The following PITPNC1 variants were observed in gnomAD, a reference collection of about 807,000 sequenced individuals.
The protein encoded by PITPNC1 is cytoplasmic phosphatidylinositol transfer protein 1.
In PITPNC1, 18 loss-of-function variants were observed where a neutral mutation model predicts 44.7. That is an observed-to-expected ratio of 0.40 (90% confidence interval 0.28 to 0.60). The LOEUF (loss-of-function observed/expected upper bound fraction) is 0.60, where lower values mean the gene tolerates loss of function less well. PITPNC1 is among the 20% of genes least tolerant of loss of function. The pLI is 0.39. For missense variants in PITPNC1, 290 were observed against 418.4 expected (o/e 0.69, Z 2.68); for synonymous variants, 141 against 149.6 (o/e 0.94, Z 0.42).
Position 67,378,127 on chromosome 17 carries a change from G to T in PITPNC1, c.-28G>T, listed in dbSNP as rs754241020. 2.0e-6 allele frequency: 3 copies of T among 1,518,166 alleles called. No individual in the cohort carries two copies. The highest frequency in any genetic ancestry group is 2.7e-5 in the East Asian group (1 of 36,756). The allele number at this position is 1,518,166 out of a possible 1,614,324, so 94.0% of individuals were successfully genotyped here. On this transcript the variant is annotated 5_prime_UTR_variant, in exon 1 of 9. Coordinates refer to ENST00000581322, the MANE Select transcript of PITPNC1 (RefSeq NM_012417.4). ...GTCTTGGGGGCGCCCCCCGCTTCCC[G>T]CCCCGGGGGTCCGCGGCCGGCAGGA...
chr17:67,674,243 C>T (rs1344316568), intron 7 of PITPNC1, among the ~76,000 whole-genome samples: 1 of 152,046 alleles, frequency 6.6e-6, no homozygotes, highest in Non-Finnish European at 1.5e-5. Flanking sequence ...GTGGCTCACA[C>T]CTGTAATCCC....
chr17:67,435,031 C>A (rs1211335638), intron 1 of PITPNC1, among the ~76,000 whole-genome samples: 1 of 148,928 alleles, frequency 6.7e-6, no homozygotes, highest in East Asian at 2.0e-4. Context: ...ATGACGTGAA[C>A]CCGGGAGATG....
chr17:67,436,908 GTT>G (rs1044625193), intron 1 of PITPNC1, among the ~76,000 whole-genome samples: 15 of 68,456 alleles, frequency 2.2e-4, no homozygotes, highest in African/African-American at 7.5e-4. Flanking sequence ...AAATAGGGGT[GTT>G]TTTTTTTTTT....
At position 67,652,176 on chromosome 17, in the gene PITPNC1, A is replaced by G. The variant is rs111690362; in HGVS notation, c.463-17332A>G. Among the ~76,000 whole-genome samples the G allele has an allele frequency of 6.3e-3, 961 of 152,218 alleles. 8 individuals carry two copies. Among genetic ancestry groups the G allele is most frequent in the African/African-American group, 0.022 (917 of 41,524 alleles). On this transcript the variant is annotated intron_variant, in intron 6 of 8. Coordinates refer to ENST00000581322, the MANE Select transcript of PITPNC1 (RefSeq NM_012417.4). Reference sequence around the variant, plus strand: ...ATTGCCCTTTGTGGTTCAAATTGAGAGTGTAATTAATCATGGAGACTTCAT... The same window carrying G: ...ATTGCCCTTTGTGGTTCAAATTGAGGGTGTAATTAATCATGGAGACTTCAT...
At chr17:67,517,852 A>G (rs1000536497) in intron 1 of PITPNC1, among the ~76,000 whole-genome samples, 2 of 152,214 alleles carry the variant, frequency 1.3e-5, no homozygotes, top group Non-Finnish European at 2.9e-5. Context: ...AACCTTGCAA[A>G]TATACTAAAA....
chr17:67,683,655 T>G (rs2042754464), intron 8 of PITPNC1, among the ~76,000 whole-genome samples: 1 of 152,056 alleles, frequency 6.6e-6, no homozygotes, highest in South Asian at 2.1e-4. Flanking sequence ...TTTCTGAAAT[T>G]TCATTTCTTA....
Position 67,552,339 on chromosome 17 carries a change from A to G in PITPNC1, c.280A>G (p.Ile94Val). ...GGCTTGGAACTATTATCCCTACACA[A>G]TTACAGGTAAGTCCTTAGTACAACC... ...EKAWNYYPYT[I>V]TEYTCSFLPK... Residue 94 changes from isoleucine to valine, a missense_variant, in exon 3 of 9, where the codon ATT becomes GTT. Coordinates refer to ENST00000581322, the MANE Select transcript of PITPNC1 (RefSeq NM_012417.4). The G allele has an allele frequency of 1.3e-6, 2 of 1,536,200 alleles. No homozygotes were observed. Among genetic ancestry groups the G allele is most frequent in the Non-Finnish European group, 1.8e-6 (2 of 1,108,880 alleles).
chr17:67,457,088 T>G (rs1404299807), intron 1 of PITPNC1: 1 of 150,514 alleles, frequency 6.6e-6, no homozygotes, highest in Non-Finnish European at 1.5e-5. Context: ...AGCACAGGAG[T>G]TTTGACTTGG....
At chr17:67,545,938 G>A (rs1011890326) in intron 2 of PITPNC1, among the ~76,000 whole-genome samples, 3 of 151,944 alleles carry the variant, frequency 2.0e-5, no homozygotes, top group South Asian at 2.1e-4. Flanking sequence ...GGCCAGGTGC[G>A]GTGGCTCACC....
At chr17:67,558,321 A>C (rs2040864946) in intron 4 of PITPNC1, among the ~76,000 whole-genome samples, 1 of 152,188 alleles carries the variant, frequency 6.6e-6, no homozygotes, top group African/African-American at 2.4e-5. Flanking sequence ...GTAAACAACA[A>C]CACAATGACA....
At position 67,409,153 on chromosome 17, in the gene PITPNC1, C is replaced by T. The variant is rs373204296; in HGVS notation, c.48+30951C>T. Among the ~76,000 whole-genome samples the T allele has an allele frequency of 7.0e-3, 983 of 140,256 alleles. 11 individuals are homozygous for T. Among genetic ancestry groups the T allele is most frequent in the African/African-American group, 0.023 (885 of 37,854 alleles). 92.0% of individuals were successfully genotyped at this position (140,256 alleles called of 152,430 possible). On this transcript the variant is annotated intron_variant, in intron 1 of 8. Coordinates refer to ENST00000581322, the MANE Select transcript of PITPNC1 (RefSeq NM_012417.4). Reference sequence around the variant, plus strand: ...ACTGCGGACTGCAGTGGCGCAATCTCGGCTCACTGCAAGCTCCGCTTCCCG... The same window carrying T: ...ACTGCGGACTGCAGTGGCGCAATCTTGGCTCACTGCAAGCTCCGCTTCCCG...
intron 7 of PITPNC1, among the ~76,000 whole-genome samples, chr17:67,673,575 T>G (rs951991407): frequency 3.9e-5 from 6 of 152,232 alleles, no homozygotes; most frequent in Admixed American, 3.3e-4. Flanking sequence ...TAAACGGCCT[T>G]TTTCCCCCTC....
chr17:67,380,451 T>G (rs751012363), intron 1 of PITPNC1, among the ~76,000 whole-genome samples: 9 of 152,210 alleles, frequency 5.9e-5, no homozygotes, highest in African/African-American at 2.2e-4. Flanking sequence ...AATTCTTTAA[T>G]GTATAATTCA....
chr17:67,387,148 A>C (rs1017731500), intron 1 of PITPNC1, among the ~76,000 whole-genome samples: 1 of 152,200 alleles, frequency 6.6e-6, no homozygotes, highest in Non-Finnish European at 1.5e-5. Context: ...AGGGCTGCAC[A>C]CCGCCAGGGG....
At chr17:67,392,667 C>G (rs1293195024) in intron 1 of PITPNC1, among the ~76,000 whole-genome samples, 1 of 152,174 alleles carries the variant, frequency 6.6e-6, no homozygotes, top group Non-Finnish European at 1.5e-5. Flanking sequence ...TAAACCTGCC[C>G]TAGATTCCCC....
At chr17:67,441,358 C>T (rs1298929579) in intron 1 of PITPNC1, among the ~76,000 whole-genome samples, 10 of 151,204 alleles carry the variant, frequency 6.6e-5, no homozygotes, top group Admixed American at 5.3e-4. Context: ...CATCTGAGGA[C>T]GACTCACCCT....
chr17:67,407,204 T>C (rs1197585097), intron 1 of PITPNC1, among the ~76,000 whole-genome samples: 1 of 152,254 alleles, frequency 6.6e-6, no homozygotes, highest in Admixed American at 6.5e-5. Context: ...CTAGCCATTC[T>C]AGTAGGTGTG....
chr17:67,469,011 C>A (rs2039473762), intron 1 of PITPNC1, among the ~76,000 whole-genome samples: 1 of 152,286 alleles, frequency 6.6e-6, no homozygotes, highest in East Asian at 1.9e-4. Context: ...TTACAGGAGT[C>A]AGCCACTGCG....
At chr17:67,420,952 T>C (rs1171106843) in intron 1 of PITPNC1, among the ~76,000 whole-genome samples, 1 of 152,146 alleles carries the variant, frequency 6.6e-6, no homozygotes, top group Non-Finnish European at 1.5e-5. Flanking sequence ...TACTTAGAAT[T>C]TCACCAGCCA....
Sources: gnomAD v4.1 joint callset for allele counts (sites outside exome capture counted in the v4.1 genomes callset) on GRCh38, gnomAD v4.1.1 for gene constraint, MANE v1.5 for transcripts, NCBI Gene and HGNC (gene_info 2026-07-23, HGNC 2026-07-21) for gene names.